The following SEL1L3 variants were observed in gnomAD, a reference collection of about 807,000 sequenced individuals.
The protein encoded by SEL1L3 is protein sel-1 homolog 3.
A neutral mutation model predicts 142.8 loss-of-function variants in SEL1L3; 76 were observed. That is an observed-to-expected ratio of 0.53 (90% CI 0.44 to 0.64). The LOEUF (loss-of-function observed/expected upper bound fraction) is 0.64, where lower values mean the gene tolerates loss of function less well. Ranked by LOEUF, SEL1L3 falls within the 30% of genes least tolerant of loss-of-function variation. The probability of loss-of-function intolerance (pLI) is 0.00; values close to 1 mark genes in which losing one functional copy is unlikely to be tolerated. For missense variants in SEL1L3, 1,262 were observed against 1,381.7 expected, an observed-to-expected ratio of 0.91 and a Z score of 1.37; for synonymous variants, 504 against 519.6, an observed-to-expected ratio of 0.97 and a Z score of 0.41.
At chr4:25,720,350 A>G in the SEL1L3 span, 1 of 152,190 alleles carries the variant, frequency 6.6e-6, no homozygotes, top group African/African-American at 2.4e-5. Flanking sequence ...TTGGATTTTT[A>G]CATATAAATA....
intron 2 of SEL1L3, among the ~76,000 whole-genome samples, chr4:25,835,779 C>G (rs1715777455): frequency 6.6e-6 from 1 of 152,164 alleles, no homozygotes; most frequent in African/African-American, 2.4e-5. Context: ...TAAATTTGTT[C>G]ATTTCATTTT....
chr4:25,773,702 T>C lies in SEL1L3; in HGVS notation c.2669+2575A>G, dbSNP rs138566958. ...AAAACTATTGATGGCTCCCCACTGC[T>C]TCACAAACGCATAATCTGCCATTCA... is the stretch of plus-strand genomic sequence containing the variant. On this transcript the variant is annotated intron_variant, in intron 17 of 23. Transcript: ENST00000399878. The C allele has an allele frequency of 7.5e-3, 1,144 of 152,372 alleles. 10 individuals are homozygous for C. The highest frequency in any genetic ancestry group is 0.045 in the Middle Eastern group (13 of 292). The allele number at this position is 152,372 out of a possible 1,614,324, so 9.4% of individuals were successfully genotyped here. A position where few individuals can be genotyped will look rare whatever the true frequency, so the allele number is the denominator to read the frequency against.
chr4:25,733,365 T>C, the SEL1L3 span, among the ~76,000 whole-genome samples: 1 of 152,128 alleles, frequency 6.6e-6, no homozygotes, highest in African/African-American at 2.4e-5. Flanking sequence ...GTATTTCTTA[T>C]TGTGTGATGA....
intron 6 of SEL1L3, among the ~76,000 whole-genome samples, chr4:25,826,956 G>A (rs1715135998): frequency 6.6e-6 from 1 of 152,172 alleles, no homozygotes; most frequent in Non-Finnish European, 1.5e-5. Flanking sequence ...GAGCCACTGT[G>A]CCAGGCCAGA....
intron 10 of SEL1L3, 110 bp downstream of exon 10, chr4:25,804,431 A>T: frequency 1.3e-6 from 1 of 771,282 alleles, no homozygotes; most frequent in Non-Finnish European, 2.2e-6. Context: ...AAAGATTTTT[A>T]AAGGTCTCCA....
intron 15 of SEL1L3, among the ~76,000 whole-genome samples, chr4:25,779,500 T>C (rs571050344): frequency 2.0e-5 from 3 of 152,236 alleles, no homozygotes; most frequent in Non-Finnish European, 2.9e-5. Context: ...GAAGGCTAGA[T>C]AGAAGACTAT....
chr4:25,837,695 T>C (rs1325909555), intron 2 of SEL1L3, among the ~76,000 whole-genome samples: 1 of 152,118 alleles, frequency 6.6e-6, no homozygotes, highest in Non-Finnish European at 1.5e-5. Context: ...TGATTACAAT[T>C]AGAGGTAATG....
intron 15 of SEL1L3, among the ~76,000 whole-genome samples, chr4:25,780,153 T>C (rs1342871192): frequency 1.3e-5 from 2 of 152,128 alleles, no homozygotes; most frequent in Non-Finnish European, 2.9e-5. Context: ...CCCCTGACTC[T>C]TCTCCACCTC....
chr4:25,740,150 G>GATA, the SEL1L3 span, among the ~76,000 whole-genome samples: 154 of 151,648 alleles, frequency 1.0e-3, no homozygotes, highest in African/African-American at 3.6e-3. Context: ...CTAGTTCCTA[G>GATA]TGGCCGGGCA....
At chr4:25,852,654 G>A (rs540340451) in intron 1 of SEL1L3, among the ~76,000 whole-genome samples, 166 of 152,234 alleles carry the variant, frequency 1.1e-3, no homozygotes, top group African/African-American at 3.6e-3. Flanking sequence ...TGTCAAATAA[G>A]ACATTTGCTT....
chr4:25,842,626 C>T (rs1156464304), intron 2 of SEL1L3, among the ~76,000 whole-genome samples: 3 of 152,170 alleles, frequency 2.0e-5, no homozygotes, highest in African/African-American at 7.2e-5. Context: ...CCACCTCCAC[C>T]CCCACACCCT....
chr4:25,842,138 G>A (rs972852450), intron 2 of SEL1L3, among the ~76,000 whole-genome samples: 1 of 151,916 alleles, frequency 6.6e-6, no homozygotes, highest in African/African-American at 2.4e-5. Context: ...TAGGTGCTCA[G>A]TCAATCTTTG....
chr4:25,757,327 T>C (rs1718035749), intron 23 of SEL1L3, among the ~76,000 whole-genome samples: 1 of 151,590 alleles, frequency 6.6e-6, no homozygotes, highest in African/African-American at 2.4e-5. Flanking sequence ...AATAGTAACT[T>C]TGTGGCCTCC....
In SEL1L3 at chr4:25,847,474, C is replaced by G. The variant is rs761922520; in HGVS notation, c.553G>C (p.Asp185His). 6.2e-7 allele frequency: 1 copy of G among 1,614,046 alleles called. No individual in the cohort carries two copies. Residue 185 changes from aspartate (D) to histidine (H), a missense_variant, in exon 2 of 24, where the codon GAC (aspartate) becomes CAC (histidine). This residue lies in a region of SEL1L3 where 689 missense variants were observed against 692.8 expected (regional missense o/e 0.99). Transcript: ENST00000399878. ...AWITHKYSGR[D>H]WNVKWEENLL... ...TTTTCCTCCCATTTAACATTCCAGT[C>G]TCTGCCACTGTATTTGTGAGTAATC... is the stretch of plus-strand genomic sequence containing the variant.
At chr4:25,770,064 G>C (rs968037728) in intron 17 of SEL1L3, among the ~76,000 whole-genome samples, 4 of 152,110 alleles carry the variant, frequency 2.6e-5, no homozygotes, top group Non-Finnish European at 4.4e-5. Flanking sequence ...AAAGGTGGAG[G>C]TTGCAGTGAG....
intron 11 of SEL1L3, among the ~76,000 whole-genome samples, chr4:25,796,320 C>T (rs566562645): frequency 2.0e-5 from 3 of 152,024 alleles, no homozygotes; most frequent in Non-Finnish European, 2.9e-5. Flanking sequence ...AAGGCTGGGG[C>T]GCAGTGGCTC....
chr4:25,858,747 A>G (rs943111714), intron 1 of SEL1L3, among the ~76,000 whole-genome samples: 1 of 151,926 alleles, frequency 6.6e-6, no homozygotes, highest in East Asian at 1.9e-4. Flanking sequence ...CACCACACCC[A>G]GCTAATTTTT....
At chr4:25,736,332 T>A in the SEL1L3 span, among the ~76,000 whole-genome samples, 9 of 151,752 alleles carry the variant, frequency 5.9e-5, no homozygotes, top group African/African-American at 1.7e-4. Context: ...CAAGCAATTC[T>A]CCTGCCTCAG....
chr4:25,743,089 A>G (rs2109099535), downstream of SEL1L3, among the ~76,000 whole-genome samples: 1 of 152,332 alleles, frequency 6.6e-6, no homozygotes. Context: ...CGGAAAGGAC[A>G]GACTCTAACT....
Sources: gnomAD v4.1 joint callset for allele counts (sites outside exome capture counted in the v4.1 genomes callset) on GRCh38, gnomAD v4.1.1 for gene constraint, gnomAD v4.1.1 regional missense constraint, MANE v1.5 for transcripts, NCBI Gene and HGNC (gene_info 2026-07-23, HGNC 2026-07-21) for gene names.